Variants in IMMP2L observed in about 807,000 individuals in gnomAD.
IMMP2L encodes the protein mitochondrial inner membrane protease subunit 2.
A neutral mutation model predicts 19.3 loss-of-function variants in IMMP2L; 18 were observed. The observed-to-expected ratio is 0.93, with a 90% CI of 0.64 to 1.38. The LOEUF (loss-of-function observed/expected upper bound fraction) is 1.38. IMMP2L is among the 40% of genes most tolerant of loss of function. The pLI, the probability that IMMP2L is intolerant of heterozygous loss-of-function variation, is 0.00. For synonymous variants in IMMP2L, 76 were observed against 73.0 expected (o/e 1.04, Z -0.21); for missense variants, 233 against 218.2 (o/e 1.07, Z -0.43).
At position 110,692,935 on chromosome 7, in the gene IMMP2L, C is replaced by T. The variant is rs529364818; in HGVS notation, c.409-29214G>A. ...GAACCAGCCCAGTTTAAGAAGAGGG[C>T]TAAGTGCAGTGTTTGTGAAAATGCA... On this transcript the variant is annotated intron_variant, in intron 5 of 5. Transcript: ENST00000405709. Among the ~76,000 whole-genome samples, 13 of 152,274 alleles carry T rather than the reference C, an allele frequency of 8.5e-5. No homozygotes were observed. The East Asian group carries it at 2.5e-3, about 29-fold the overall frequency.
chr7:111,005,184 A>G (rs1033819840), intron 3 of IMMP2L, among the ~76,000 whole-genome samples: 4 of 152,138 alleles, frequency 2.6e-5, no homozygotes, highest in Admixed American at 6.6e-5. Flanking sequence ...TGGTGGTTCG[A>G]TTAAGATTCC....
chr7:111,238,813 G>C (rs1182515764), intron 3 of IMMP2L, among the ~76,000 whole-genome samples: 1 of 151,922 alleles, frequency 6.6e-6, no homozygotes, highest in Non-Finnish European at 1.5e-5. Context: ...AGCTTGAGTA[G>C]CTTGAGTTCA....
intron 3 of IMMP2L, among the ~76,000 whole-genome samples, chr7:111,018,363 T>C (rs918752934): frequency 2.0e-5 from 3 of 152,182 alleles, no homozygotes; most frequent in Non-Finnish European, 4.4e-5. Context: ...ATGATATACA[T>C]AGGAACCTCT....
intron 1 of IMMP2L, among the ~76,000 whole-genome samples, chr7:111,556,561 C>T (rs1311728770): frequency 6.6e-6 from 1 of 152,058 alleles, no homozygotes; most frequent in African/African-American, 2.4e-5. Context: ...ACCCACAGCA[C>T]GATAGCTTTA....
intron 3 of IMMP2L, among the ~76,000 whole-genome samples, chr7:111,341,119 A>G (rs190380204): frequency 6.6e-6 from 1 of 152,276 alleles, no homozygotes; most frequent in African/African-American, 2.4e-5. Context: ...TACATTCTGC[A>G]GCAATGAATT....
At chr7:111,214,486 G>T (rs1340581864) in intron 3 of IMMP2L, among the ~76,000 whole-genome samples, 2 of 144,564 alleles carry the variant, frequency 1.4e-5, no homozygotes, top group African/African-American at 5.1e-5. Flanking sequence ...GGAATTACAG[G>T]CACCTGCCAC....
chr7:110,814,428 TA>T (rs1236520497), intron 5 of IMMP2L, among the ~76,000 whole-genome samples: 2,233 of 133,556 alleles, frequency 0.017, 53 homozygotes, highest in African/African-American at 0.054. Flanking sequence ...AATATCAAAG[TA>T]AAAAAAAAAA....
intron 3 of IMMP2L, among the ~76,000 whole-genome samples, chr7:111,032,752 G>A (rs1790957522): frequency 6.6e-6 from 1 of 152,144 alleles, no homozygotes; most frequent in African/African-American, 2.4e-5. Context: ...AATCCAGGAG[G>A]TGGAGGCTGC....
At chr7:111,467,325 C>G (rs970602267) in intron 3 of IMMP2L, among the ~76,000 whole-genome samples, 3 of 152,130 alleles carry the variant, frequency 2.0e-5, no homozygotes, top group African/African-American at 7.2e-5. Context: ...ACATAGTAAG[C>G]TCTTAAAAAC....
intron 3 of IMMP2L, among the ~76,000 whole-genome samples, chr7:111,319,599 A>G (rs1185547806): frequency 6.6e-6 from 1 of 152,098 alleles, no homozygotes; most frequent in Non-Finnish European, 1.5e-5. Flanking sequence ...AATCAATTTT[A>G]TATGTTTGGT....
intron 5 of IMMP2L, among the ~76,000 whole-genome samples, chr7:110,695,803 T>A (rs1203581021): frequency 6.6e-6 from 1 of 151,664 alleles, no homozygotes; most frequent in East Asian, 1.9e-4. Context: ...CGACAGACCA[T>A]TAAGAATGAT....
rs565342032 is a variant in IMMP2L at position 111,093,916 on chromosome 7, T to A, written c.240-130351A>T. Among the ~76,000 whole-genome samples, 14 of 152,244 alleles carry A rather than the reference T, an allele frequency of 9.2e-5. No homozygotes were observed. In the South Asian group the frequency reaches 2.9e-3, roughly 32 times the overall value. On this transcript the variant is annotated intron_variant, in intron 3 of 5. Coordinates refer to ENST00000405709, the MANE Select transcript of IMMP2L (RefSeq NM_032549.4). ...TCACAGGCAACATGCTGAGTTAGAA[T>A]GCTGATGAGTAGGTGGAATTTTTTA...
chr7:111,497,519 G>T (rs1237185980), intron 2 of IMMP2L, among the ~76,000 whole-genome samples: 1 of 152,016 alleles, frequency 6.6e-6, no homozygotes, highest in Non-Finnish European at 1.5e-5. Context: ...TATATATTTG[G>T]ATATGTCTGG....
At chr7:111,411,139 G>GA (rs1420993920) in intron 3 of IMMP2L, among the ~76,000 whole-genome samples, 2 of 139,690 alleles carry the variant, frequency 1.4e-5, no homozygotes, top group East Asian at 4.1e-4. Context: ...AAAGTACCCA[G>GA]AAAAAAAGGC....
intron 5 of IMMP2L, among the ~76,000 whole-genome samples, chr7:110,684,247 C>T (rs1157211573): frequency 3.3e-5 from 5 of 152,010 alleles, no homozygotes; most frequent in Non-Finnish European, 4.4e-5. Context: ...TTTTTATATT[C>T]CAAGCTGTTA....
intron 4 of IMMP2L, among the ~76,000 whole-genome samples, chr7:110,938,801 T>C (rs1225802599): frequency 2.6e-5 from 4 of 152,118 alleles, no homozygotes. Context: ...TTAAATGTAA[T>C]ATGCAGTTCC....
At chr7:111,134,853 T>C (rs1291916046) in intron 3 of IMMP2L, among the ~76,000 whole-genome samples, 1 of 152,088 alleles carries the variant, frequency 6.6e-6, no homozygotes, top group Non-Finnish European at 1.5e-5. Context: ...AATATCCTGA[T>C]GCTAGCTCCT....
chr7:111,440,040 CA>C (rs969282007), intron 3 of IMMP2L, among the ~76,000 whole-genome samples: 1 of 151,910 alleles, frequency 6.6e-6, no homozygotes, highest in African/African-American at 2.4e-5. Flanking sequence ...GCAATTCAAT[CA>C]AATCTTCTGA....
chr7:111,091,022 T>C (rs2129577819), intron 3 of IMMP2L: 1 of 152,372 alleles, frequency 6.6e-6, no homozygotes, highest in African/African-American at 2.4e-5. Flanking sequence ...CCAACCAGAC[T>C]GGAGCAGCTG....
Sources: allele counts gnomAD v4.1 joint callset (sites outside exome capture counted in the v4.1 genomes callset), GRCh38; gene constraint gnomAD v4.1.1; transcripts MANE v1.5; gene names NCBI Gene and HGNC (gene_info 2026-07-23, HGNC 2026-07-21).